Variants in SHISA9 observed in about 807,000 individuals in gnomAD.
SHISA9 encodes shisa family member 9, also known as protein shisa-9.
SHISA9 carries 13 observed loss-of-function variants against 38.0 expected under a neutral mutation model. The observed-to-expected ratio is 0.34, with a 90% confidence interval of 0.22 to 0.54. SHISA9 has a LOEUF of 0.54. SHISA9 is among the 20% of genes least tolerant of loss of function. SHISA9 has a pLI of 0.91. For synonymous variants in SHISA9, 275 were observed against 242.0 expected, an observed-to-expected ratio of 1.14 and a Z score of -1.27; for missense variants, 538 against 575.8, an observed-to-expected ratio of 0.93 and a Z score of 0.67.
the SHISA9 span, among the ~76,000 whole-genome samples, chr16:13,277,285 T>C: frequency 6.6e-6 from 1 of 152,112 alleles, no homozygotes. Flanking sequence ...TGCATATTTC[T>C]ATACCAGTAC....
chr16:13,173,121 A>C lies in SHISA9; in HGVS notation c.692-30273A>C, dbSNP rs1322383259. Among the ~76,000 whole-genome samples, 3 of 151,028 alleles carry C rather than the reference A, an allele frequency of 2.0e-5. No individual in the cohort carries two copies. In the Admixed American group the frequency reaches 2.0e-4, roughly 10 times the overall value. On this transcript the variant is annotated intron_variant, in intron 2 of 4. Coordinates refer to ENST00000558583, the MANE Select transcript of SHISA9 (RefSeq NM_001145204.3). ...TCTGTATGAATATTATTTGAAAAGGAATTGTTTATCAGTCAGAAGAGATGC... is the reference window on the plus strand; with the variant it reads ...TCTGTATGAATATTATTTGAAAAGGCATTGTTTATCAGTCAGAAGAGATGC...
intron 1 of SHISA9, among the ~76,000 whole-genome samples, chr16:12,906,964 G>A (rs1180996315): frequency 6.6e-6 from 1 of 151,686 alleles, no homozygotes; most frequent in Non-Finnish European, 1.5e-5. Context: ...ACAATTATTA[G>A]TATTTTGTCA....
the SHISA9 span, among the ~76,000 whole-genome samples, chr16:13,547,833 T>G: frequency 6.7e-6 from 1 of 149,976 alleles, no homozygotes; most frequent in African/African-American, 2.4e-5. Context: ...TATGAAAATA[T>G]CAAAGACATT....
intron 2 of SHISA9, among the ~76,000 whole-genome samples, chr16:12,952,582 C>T (rs1367079302): frequency 6.6e-6 from 1 of 152,170 alleles, no homozygotes; most frequent in African/African-American, 2.4e-5. Context: ...AGGGAGGGAC[C>T]TGGTGGGAGG....
intron 2 of SHISA9, among the ~76,000 whole-genome samples, chr16:12,998,653 C>T (rs2072488359): frequency 6.6e-6 from 1 of 152,150 alleles, no homozygotes; most frequent in South Asian, 2.1e-4. Flanking sequence ...CCTCGGTCTT[C>T]CTGAGTAGCT....
chr16:13,126,581 AAG>A (rs149414908), intron 2 of SHISA9, among the ~76,000 whole-genome samples: 24,533 of 128,154 alleles, frequency 0.19, 2,534 homozygotes, highest in African/African-American at 0.27. Flanking sequence ...GAAAGGGGGA[AAG>A]AGAGAGAGAA....
At chr16:12,910,805 C>A in intron 1 of SHISA9, 1 of 855,378 alleles carries the variant, frequency 1.2e-6, no homozygotes, top group South Asian at 5.3e-5. Context: ...AGTCCAAAAT[C>A]TCCAGAGCCT....
At chr16:13,340,758 T>C in the SHISA9 span, among the ~76,000 whole-genome samples, 5 of 152,230 alleles carry the variant, frequency 3.3e-5, no homozygotes, top group African/African-American at 1.2e-4. Context: ...ATCTTTCATT[T>C]TAGTGCTGCA....
the SHISA9 span, among the ~76,000 whole-genome samples, chr16:13,460,233 A>C: frequency 6.6e-6 from 1 of 152,182 alleles, no homozygotes; most frequent in Non-Finnish European, 1.5e-5. Context: ...TATGATATAC[A>C]AACAGAACAC....
chr16:13,393,918 C>T, the SHISA9 span, among the ~76,000 whole-genome samples: 3 of 152,154 alleles, frequency 2.0e-5, no homozygotes, highest in African/African-American at 7.2e-5. Flanking sequence ...TCATTGTTCC[C>T]ATTCTTTCCT....
the SHISA9 span, among the ~76,000 whole-genome samples, chr16:13,506,823 C>A: frequency 6.6e-6 from 1 of 151,976 alleles, no homozygotes; most frequent in African/African-American, 2.4e-5. Flanking sequence ...GCCCTTGAGG[C>A]CAGGAGTCTG....
the SHISA9 span, among the ~76,000 whole-genome samples, chr16:13,425,253 G>A: frequency 6.6e-6 from 1 of 152,034 alleles, no homozygotes; most frequent in Non-Finnish European, 1.5e-5. Flanking sequence ...CAACACTTTG[G>A]GAGGCCAAGG....
chr16:13,493,814 G>A, the SHISA9 span, among the ~76,000 whole-genome samples: 1 of 152,148 alleles, frequency 6.6e-6, no homozygotes. Context: ...TATTATAGAA[G>A]GGAAGAAGAC....
At chr16:13,117,972 A>G (rs1415458564) in intron 2 of SHISA9, among the ~76,000 whole-genome samples, 2 of 152,140 alleles carry the variant, frequency 1.3e-5, no homozygotes, top group Non-Finnish European at 2.9e-5. Flanking sequence ...GCCTGAGATC[A>G]GAAGTTCGAG....
At chr16:13,170,546 C>A (rs1185389484) in intron 2 of SHISA9, among the ~76,000 whole-genome samples, 1 of 152,180 alleles carries the variant, frequency 6.6e-6, no homozygotes, top group Non-Finnish European at 1.5e-5. Context: ...GGGCTTAATA[C>A]CTAGGTGATG....
At chr16:13,457,742 G>T in the SHISA9 span, among the ~76,000 whole-genome samples, 1 of 151,876 alleles carries the variant, frequency 6.6e-6, no homozygotes, top group African/African-American at 2.4e-5. Flanking sequence ...AGAACTTTCT[G>T]TTGCCACCCT....
At chr16:13,481,064 C>G in the SHISA9 span, among the ~76,000 whole-genome samples, 1 of 152,138 alleles carries the variant, frequency 6.6e-6, no homozygotes, top group African/African-American at 2.4e-5. Flanking sequence ...GGAAAGACAC[C>G]AAAGAGTTGG....
intron 2 of SHISA9, among the ~76,000 whole-genome samples, chr16:12,926,762 A>C (rs554448882): frequency 6.6e-6 from 1 of 152,224 alleles, no homozygotes; most frequent in Non-Finnish European, 1.5e-5. Context: ...TGAAAGAAAA[A>C]TACTTCCCAT....
At chr16:13,548,027 A>G in the SHISA9 span, among the ~76,000 whole-genome samples, 3,249 of 152,306 alleles carry the variant, frequency 0.021, 52 homozygotes, top group Non-Finnish European at 0.036. Flanking sequence ...GACATAGACC[A>G]ATAGAAGAGA....
Sources: allele counts gnomAD v4.1 joint callset (sites outside exome capture counted in the v4.1 genomes callset), GRCh38; gene constraint gnomAD v4.1.1; transcripts MANE v1.5; gene names NCBI Gene and HGNC (gene_info 2026-07-23, HGNC 2026-07-21).